Variants in FSTL4 observed in about 807,000 individuals in gnomAD.
FSTL4 encodes follistatin like 4.
FSTL4 carries 28 observed loss-of-function variants against 78.2 expected under a neutral mutation model. The observed-to-expected ratio is 0.36, with a 90% CI of 0.27 to 0.49. The LOEUF (loss-of-function observed/expected upper bound fraction) is 0.49. FSTL4 is among the 20% of genes least tolerant of loss of function. The probability of loss-of-function intolerance (pLI) is 0.98; values close to 1 mark genes in which losing one functional copy is unlikely to be tolerated. For missense variants in FSTL4, 922 were observed against 1,084.9 expected, an observed-to-expected ratio of 0.85 and a Z score of 2.11; for synonymous variants, 422 against 440.5, an observed-to-expected ratio of 0.96 and a Z score of 0.53.
chr5:133,616,574 G>C (rs939081241), upstream of FSTL4, among the ~76,000 whole-genome samples: 1 of 151,796 alleles, frequency 6.6e-6, no homozygotes, highest in African/African-American at 2.4e-5. Context: ...GGTAATTTTT[G>C]TACTTTTTGT....
At chr5:133,424,611 C>A (rs866674870) in intron 3 of FSTL4, among the ~76,000 whole-genome samples, 1 of 152,156 alleles carries the variant, frequency 6.6e-6, no homozygotes, top group Non-Finnish European at 1.5e-5. Flanking sequence ...TACAGGAATA[C>A]GTGATGGTGT....
the FSTL4 span, among the ~76,000 whole-genome samples, chr5:133,683,567 A>G: frequency 6.6e-6 from 1 of 152,196 alleles, no homozygotes; most frequent in Non-Finnish European, 1.5e-5. Flanking sequence ...GCCATGCATC[A>G]AGATCCGATT....
At chr5:133,366,762 T>A (rs1755189430) in intron 4 of FSTL4, among the ~76,000 whole-genome samples, 2 of 151,598 alleles carry the variant, frequency 1.3e-5, no homozygotes, top group Admixed American at 1.3e-4. Context: ...TGGAAGCGTC[T>A]CACACAAGCA....
chr5:133,335,758 C>T (rs1754450719), intron 4 of FSTL4, among the ~76,000 whole-genome samples: 1 of 152,050 alleles, frequency 6.6e-6, no homozygotes, highest in Admixed American at 6.5e-5. Flanking sequence ...GATTCTTCCT[C>T]CAGCATGCAG....
chr5:133,281,866 G>A (rs1024120826), intron 6 of FSTL4, among the ~76,000 whole-genome samples: 1 of 152,076 alleles, frequency 6.6e-6, no homozygotes, highest in Admixed American at 6.5e-5. Flanking sequence ...GAGTGTGGTG[G>A]CTGAAATTTC....
intron 5 of FSTL4, among the ~76,000 whole-genome samples, chr5:133,314,285 C>T (rs969561783): frequency 6.6e-6 from 1 of 152,340 alleles, no homozygotes; most frequent in Admixed American, 6.5e-5. Flanking sequence ...GGGTCTTAGC[C>T]AGAGCTGGGG....
chr5:133,462,164 G>C (rs887626521), intron 3 of FSTL4, among the ~76,000 whole-genome samples: 4 of 152,218 alleles, frequency 2.6e-5, no homozygotes, highest in African/African-American at 9.6e-5. Context: ...TGAGGCAAGA[G>C]AGCCACGACA....
the FSTL4 span, among the ~76,000 whole-genome samples, chr5:133,791,905 G>A: frequency 1.3e-5 from 2 of 152,182 alleles, no homozygotes; most frequent in South Asian, 2.1e-4. Flanking sequence ...CCCACTGATC[G>A]CATTTTGCTC....
chr5:133,553,158 A>T (rs1759723215), intron 3 of FSTL4, among the ~76,000 whole-genome samples: 2 of 152,194 alleles, frequency 1.3e-5, no homozygotes, highest in Admixed American at 1.3e-4. Flanking sequence ...CGGAACCCAC[A>T]GTCTGTATCA....
intron 14 of FSTL4, among the ~76,000 whole-genome samples, chr5:133,204,993 C>T (rs1419454469): frequency 2.7e-5 from 4 of 149,294 alleles, no homozygotes; most frequent in Non-Finnish European, 6.0e-5. Context: ...CAAATGATTT[C>T]ATACTTTTTT....
chr5:133,674,013 G>T, the FSTL4 span, among the ~76,000 whole-genome samples: 2 of 152,134 alleles, frequency 1.3e-5, no homozygotes, highest in African/African-American at 4.8e-5. Context: ...TGATGACCCT[G>T]GCAATCACTG....
chr5:133,257,800 ACT>A (rs1165858675), intron 6 of FSTL4, among the ~76,000 whole-genome samples: 2 of 151,862 alleles, frequency 1.3e-5, no homozygotes, highest in Non-Finnish European at 2.9e-5. Flanking sequence ...CAGCTTGGCC[ACT>A]CTATGGGTCT....
chr5:133,595,648 GTCT>G (rs1402192561), intron 2 of FSTL4, among the ~76,000 whole-genome samples: 28 of 152,322 alleles, frequency 1.8e-4, no homozygotes, highest in African/African-American at 6.7e-4. Context: ...AGGGCGCACA[GTCT>G]TCTTGACAGC....
chr5:133,552,528 T>A (rs551042261), intron 3 of FSTL4, among the ~76,000 whole-genome samples: 1 of 152,330 alleles, frequency 6.6e-6, no homozygotes, highest in East Asian at 1.9e-4. Context: ...TTGAATCTGT[T>A]GGTAAAATGC....
chr5:133,303,662 A>G (rs953178736), intron 6 of FSTL4, among the ~76,000 whole-genome samples: 1 of 152,206 alleles, frequency 6.6e-6, no homozygotes, highest in Non-Finnish European at 1.5e-5. Context: ...GCCTTGTAGT[A>G]GTGGTGGTGG....
At chr5:133,356,018 T>TG (rs1181577958) in intron 4 of FSTL4, among the ~76,000 whole-genome samples, 1 of 152,150 alleles carries the variant, frequency 6.6e-6, no homozygotes, top group Non-Finnish European at 1.5e-5. Flanking sequence ...TACAGAGGCT[T>TG]GGGGGCCTGG....
chr5:133,453,417 A>C (rs953774699), intron 3 of FSTL4, among the ~76,000 whole-genome samples: 1 of 152,160 alleles, frequency 6.6e-6, no homozygotes, highest in Non-Finnish European at 1.5e-5. Context: ...AGGCAATGGA[A>C]CCTGTCCCTG....
chr5:133,591,827 T>G (rs2112967422), intron 2 of FSTL4, among the ~76,000 whole-genome samples: 1 of 152,178 alleles, frequency 6.6e-6, no homozygotes, highest in South Asian at 2.1e-4. Context: ...GAGACAGACT[T>G]CCAATGCCTC....
At chr5:133,820,813 T>C in the FSTL4 span, among the ~76,000 whole-genome samples, 2 of 152,198 alleles carry the variant, frequency 1.3e-5, no homozygotes, top group Non-Finnish European at 2.9e-5. Context: ...CCAAGACATG[T>C]AATATCTTAT....
Sources: allele counts gnomAD v4.1 joint callset (sites outside exome capture counted in the v4.1 genomes callset), GRCh38; gene constraint gnomAD v4.1.1; transcripts MANE v1.5; gene names NCBI Gene and HGNC (gene_info 2026-07-23, HGNC 2026-07-21).